Variants in CLUL1 observed in about 807,000 individuals in gnomAD.
CLUL1 encodes clusterin-like protein 1.
In CLUL1, 43 loss-of-function variants were observed where a neutral mutation model predicts 49.4. The observed-to-expected ratio is 0.87, with a 90% CI of 0.68 to 1.12. CLUL1 has a LOEUF of 1.12. Ranked by LOEUF, CLUL1 falls within the 50% of genes most tolerant of loss-of-function variation. The pLI, the probability that CLUL1 is intolerant of heterozygous loss-of-function variation, is 0.00. For missense variants in CLUL1, 486 were observed against 544.4 expected, an observed-to-expected ratio of 0.89 and a Z score of 1.07; for synonymous variants, 192 against 184.9, an observed-to-expected ratio of 1.04 and a Z score of -0.31.
In CLUL1 at chr18:607,016, G is replaced by T. The variant is rs1471726741; in HGVS notation, c.-97G>T. ...TCGGTTGCCAGGCTGGAGTTCAGTG[G>T]CATGTTCATAGCTCACTGAAGCCTC... On this transcript the variant is annotated 5_prime_UTR_variant, in exon 2 of 10. Transcript: ENST00000692774. 1.4e-6 allele frequency: 1 copy of T among 691,976 alleles called. No individual in the cohort carries two copies. Among genetic ancestry groups the T allele is most frequent in the Non-Finnish European group, 2.6e-6 (1 of 380,538 alleles). The allele number at this position is 691,976 out of a possible 1,614,324, so 42.9% of individuals were successfully genotyped here.
chr18:597,006 G>C lies in CLUL1; in HGVS notation c.-259G>C, dbSNP rs932761057. ...CCCGCCCACCCTGCGTCACCTGCAG[G>C]CCCGGGCCGCGGGGTTGGTTTCCAC... On this transcript the variant is annotated 5_prime_UTR_variant, in exon 1 of 10. Coordinates refer to ENST00000692774, the MANE Select transcript of CLUL1 (RefSeq NM_001393344.1). 1 of 152,458 alleles carries C rather than the reference G, an allele frequency of 6.6e-6. No homozygotes were observed. The highest frequency in any genetic ancestry group is 2.4e-5 in the African/African-American group (1 of 41,420). The allele number at this position is 152,458 out of a possible 1,614,324, so 9.4% of individuals were successfully genotyped here.
Position 641,413 on chromosome 18 carries a change from C to G in CLUL1, c.1081C>G (p.Leu361Val). 2 of 1,614,198 alleles carry G rather than the reference C, an allele frequency of 1.2e-6. No homozygotes were observed. Among genetic ancestry groups the G allele is most frequent in the Admixed American group, 1.7e-5 (1 of 60,030 alleles). Residue 361 changes from leucine to valine, a missense_variant, in exon 8 of 10, where the codon CTC becomes GTC. By Grantham distance (32) the Leu-to-Val change is conservative. Coordinates refer to ENST00000692774, the MANE Select transcript of CLUL1 (RefSeq NM_001393344.1). ...NVSNQQYGQI[L>V]QMTRKHLEDT... ...ATCCAATCAGCAGTATGGCCAGATTCTCCAGATGACCCGGAAGCACTTGGA... is the reference window on the plus strand; with the variant it reads ...ATCCAATCAGCAGTATGGCCAGATTGTCCAGATGACCCGGAAGCACTTGGA...
At chr18:632,354 GTA>G (rs753147066) in intron 6 of CLUL1, among the ~76,000 whole-genome samples, 2,687 of 132,922 alleles carry the variant, frequency 0.02, 33 homozygotes, top group African/African-American at 0.044. Context: ...GTGTGTGTGT[GTA>G]TATATACATA....
intron 7 of CLUL1, among the ~76,000 whole-genome samples, chr18:636,290 A>G (rs916384407): frequency 1.3e-5 from 2 of 152,208 alleles, no homozygotes; most frequent in African/African-American, 4.8e-5. Flanking sequence ...ATTGGGGACC[A>G]TATGTACATG....
At chr18:626,754 G>A (rs187347556) in intron 5 of CLUL1, among the ~76,000 whole-genome samples, 4 of 149,600 alleles carry the variant, frequency 2.7e-5, no homozygotes, top group Non-Finnish European at 4.4e-5. Context: ...CCAGCTACTC[G>A]GAAGGCTGAG....
intron 9 of CLUL1, among the ~76,000 whole-genome samples, chr18:649,373 T>C (rs1031330468): frequency 1.3e-5 from 2 of 152,192 alleles, no homozygotes; most frequent in Non-Finnish European, 2.9e-5. Flanking sequence ...GCATCCTAAG[T>C]GCCTGGACGT....
In CLUL1 at chr18:633,212, G is replaced by A; in HGVS notation, c.857-86G>A. 3 of 1,135,768 alleles carry A rather than the reference G, an allele frequency of 2.6e-6. No individual in the cohort carries two copies. In the South Asian group the frequency reaches 5.2e-5, roughly 20 times the overall value. The allele number at this position is 1,135,768 out of a possible 1,614,324, so 70.4% of individuals were successfully genotyped here. On this transcript the variant is annotated intron_variant, in intron 6 of 9. Coordinates refer to ENST00000692774, the MANE Select transcript of CLUL1 (RefSeq NM_001393344.1). ...ATAGGAAAAAGATTTTGAAAGCACT[G>A]GTAAGAAAAAGCTGCGGCATTGTCT...
intron 2 of CLUL1, among the ~76,000 whole-genome samples, chr18:610,588 A>C (rs1045433735): frequency 2.0e-5 from 3 of 152,174 alleles, no homozygotes; most frequent in African/African-American, 7.2e-5. Context: ...CAGGCAGTAG[A>C]AATAAGAGCA....
chr18:633,152 T>C, intron 6 of CLUL1, 146 bp from the exon 7 acceptor site: 1 of 562,240 alleles, frequency 1.8e-6, no homozygotes, highest in Non-Finnish European at 2.8e-6. Context: ...CAAGACTCTG[T>C]CTCAAAAATA....
Position 624,792 on chromosome 18 carries a change from A to G in CLUL1, c.256-73A>G, listed in dbSNP as rs552339349. 1.2e-5 allele frequency: 17 copies of G among 1,446,602 alleles called. No homozygotes were observed. The African/African-American group carries it at 2.4e-4, about 20-fold the overall frequency. 89.6% of individuals were successfully genotyped at this position (1,446,602 alleles called of 1,614,324 possible). ...AAGCAGTTTAGAATGTATACATTTCAAAGGGTGAAATCAACTAAGGTGCAC... is the reference window on the plus strand; with the variant it reads ...AAGCAGTTTAGAATGTATACATTTCGAAGGGTGAAATCAACTAAGGTGCAC... On this transcript the variant is annotated intron_variant, in intron 4 of 9. Coordinates refer to ENST00000692774, the MANE Select transcript of CLUL1 (RefSeq NM_001393344.1).
chr18:601,087 C>G (rs513978), intron 1 of CLUL1, among the ~76,000 whole-genome samples: 50,190 of 152,000 alleles, frequency 0.33, 8,520 homozygotes, highest in Middle Eastern at 0.55. Flanking sequence ...TTACCTGACT[C>G]TAGACAGTCA....
At chr18:640,807 G>A (rs916183730) in intron 7 of CLUL1, among the ~76,000 whole-genome samples, 3 of 151,874 alleles carry the variant, frequency 2.0e-5, no homozygotes, top group African/African-American at 7.3e-5. Context: ...TTTCATTACT[G>A]ATAAATATAA....
At chr18:642,431 CA>C (rs533745301) in intron 8 of CLUL1, among the ~76,000 whole-genome samples, 1 of 151,342 alleles carries the variant, frequency 6.6e-6, no homozygotes, top group Non-Finnish European at 1.5e-5. Context: ...GACTCTGTCT[CA>C]AAAAAAACAA....
intron 1 of CLUL1, chr18:598,443 G>A (rs993347877): frequency 2.5e-6 from 1 of 397,868 alleles, no homozygotes; most frequent in African/African-American, 2.1e-5. Flanking sequence ...TCTTTCGACA[G>A]CCTGGAGTCT....
chr18:628,607 G>C, intron 6 of CLUL1, among the ~76,000 whole-genome samples: 1 of 151,490 alleles, frequency 6.6e-6, no homozygotes, highest in Non-Finnish European at 1.5e-5. Flanking sequence ...AATAAAATGG[G>C]CTCCTTCTAT....
At chr18:647,638 C>T (rs1166471174) in intron 9 of CLUL1, among the ~76,000 whole-genome samples, 5 of 152,166 alleles carry the variant, frequency 3.3e-5, no homozygotes, top group Non-Finnish European at 7.3e-5. Flanking sequence ...GTGTGTCTAC[C>T]TCTAGACCAG....
chr18:640,785 CTATAAT>C (rs2074321622), intron 7 of CLUL1, among the ~76,000 whole-genome samples: 1 of 152,162 alleles, frequency 6.6e-6, no homozygotes. Context: ...AAGCACACAA[CTATAAT>C]TATAATTTCA....
intron 5 of CLUL1, among the ~76,000 whole-genome samples, chr18:626,881 A>T (rs1223844159): frequency 9.2e-3 from 2 of 218 alleles, no homozygotes; most frequent in East Asian, 0.5. Context: ...GAAAGAAAGA[A>T]AGAAAGAAAG....
At chr18:604,507 A>G (rs2143929407) in intron 1 of CLUL1, among the ~76,000 whole-genome samples, 1 of 152,366 alleles carries the variant, frequency 6.6e-6, no homozygotes, top group Middle Eastern at 3.4e-3. Context: ...GCCAGCAAGT[A>G]CCACAAAAAG....
Sources: allele counts gnomAD v4.1 joint callset (sites outside exome capture counted in the v4.1 genomes callset), GRCh38; gene constraint gnomAD v4.1.1; transcripts MANE v1.5; gene names NCBI Gene and HGNC (gene_info 2026-07-23, HGNC 2026-07-21).